Variants in FMNL2 observed in about 807,000 individuals in gnomAD.
The protein encoded by FMNL2 is formin like 2, also known as formin-like protein 2.
FMNL2 carries 51 observed loss-of-function variants against 130.2 expected under a neutral mutation model. The ratio of observed to expected loss-of-function variants is 0.39; its 90% confidence interval spans 0.31 to 0.49. The LOEUF (loss-of-function observed/expected upper bound fraction) is 0.49. Among genes scored for constraint, FMNL2 ranks in the 20% least tolerant of loss-of-function variants. The pLI is 0.85. For synonymous variants in FMNL2, 465 were observed against 467.1 expected, an observed-to-expected ratio of 1.00 and a Z score of 0.06; for missense variants, 977 against 1,316.2, an observed-to-expected ratio of 0.74 and a Z score of 3.99.
chr2:152,627,988 C>T (rs1286813932), intron 17 of FMNL2, among the ~76,000 whole-genome samples: 1 of 152,214 alleles, frequency 6.6e-6, no homozygotes, highest in East Asian at 1.9e-4. Context: ...GGTTCTACCT[C>T]TTCCTATTTT....
In FMNL2 at chr2:152,649,714, C is replaced by CTAT. The variant is rs1198993778; in HGVS notation, c.*1812_*1814dup. On this transcript the variant is annotated 3_prime_UTR_variant, in exon 26 of 26. Coordinates refer to ENST00000288670, the MANE Select transcript of FMNL2 (RefSeq NM_052905.4). ...CGTTGGCATGTTCTTTTCTGTTTGT[C>CTAT]TATTAATGGGCCTGCTTCTTAGCAA... 6.6e-6 allele frequency: 1 copy of CTAT among 152,578 alleles called. No individual in the cohort carries two copies. The highest frequency in any genetic ancestry group is 1.5e-5 in the Non-Finnish European group (1 of 68,016). 9.5% of individuals were successfully genotyped at this position (152,578 alleles called of 1,614,324 possible).
chr2:152,627,505 T>C (rs1406729344), intron 17 of FMNL2, among the ~76,000 whole-genome samples: 2 of 152,214 alleles, frequency 1.3e-5, no homozygotes, highest in East Asian at 3.9e-4. Flanking sequence ...TTTGTTCCAA[T>C]TTTGTGTCCT....
At chr2:152,447,665 C>T (rs1688420071) in intron 1 of FMNL2, among the ~76,000 whole-genome samples, 1 of 152,120 alleles carries the variant, frequency 6.6e-6, no homozygotes, top group African/African-American at 2.4e-5. Flanking sequence ...ACATCACCTT[C>T]ACCCCCTAGT....
intron 9 of FMNL2, among the ~76,000 whole-genome samples, chr2:152,589,956 T>C (rs904271264): frequency 1.9e-4 from 2 of 10,380 alleles, no homozygotes; most frequent in South Asian, 1.5e-3. Flanking sequence ...TATATATATA[T>C]ATATATATAT....
chr2:152,646,992 GTGAT>G (rs1321324523), intron 25 of FMNL2, among the ~76,000 whole-genome samples: 3 of 152,142 alleles, frequency 2.0e-5, no homozygotes, highest in African/African-American at 7.2e-5. Flanking sequence ...CTGGTATGCA[GTGAT>G]TGACTCATTC....
At chr2:152,568,223 T>TTTTTTTTTTGTTTTGTTTTGTTTTTG (rs11275578) in intron 6 of FMNL2, among the ~76,000 whole-genome samples, 1 of 132,276 alleles carries the variant, frequency 7.6e-6, no homozygotes, top group Admixed American at 7.5e-5. Context: ...GGTGGGTTTT[T>TTTTTTTTTTGTTTTGTTTTGTTTTTG]TTTTTTTTTT....
At chr2:152,438,116 A>G (rs548851452) in intron 1 of FMNL2, among the ~76,000 whole-genome samples, 1 of 152,242 alleles carries the variant, frequency 6.6e-6, no homozygotes, top group Non-Finnish European at 1.5e-5. Context: ...AGCATTTGAC[A>G]TGTGAAGAAA....
At chr2:152,414,974 A>ATG (rs1398381076) in intron 1 of FMNL2, among the ~76,000 whole-genome samples, 3 of 152,110 alleles carry the variant, frequency 2.0e-5, no homozygotes, top group Non-Finnish European at 4.4e-5. Flanking sequence ...TGTGAGATAT[A>ATG]TGTGTGGGAA....
Position 152,607,432 on chromosome 2 carries a change from C to T in FMNL2, c.951+19C>T. On this transcript the variant is annotated intron_variant, in intron 10 of 25. Transcript: ENST00000288670. ...TTTTATGGTGAGTTATTTCAGTATT[C>T]AATAAAGCAAACTCAGTTTCAATAC... 2 of 1,571,964 alleles carry T rather than the reference C, an allele frequency of 1.3e-6. No homozygotes were observed. Among genetic ancestry groups the T allele is most frequent in the Non-Finnish European group, 1.7e-6 (2 of 1,147,404 alleles).
chr2:152,510,726 G>A (rs1336593039), intron 1 of FMNL2, among the ~76,000 whole-genome samples: 1 of 152,204 alleles, frequency 6.6e-6, no homozygotes, highest in African/African-American at 2.4e-5. Context: ...GGAGTGCAAA[G>A]AAGGAGAAAA....
intron 1 of FMNL2, among the ~76,000 whole-genome samples, chr2:152,426,327 C>T (rs1687199736): frequency 1.3e-5 from 2 of 152,188 alleles, no homozygotes; most frequent in South Asian, 4.1e-4. Context: ...CTTTTAAGCA[C>T]TGGTAGCAGC....
At chr2:152,641,361 GC>G (rs996793930) in intron 25 of FMNL2, among the ~76,000 whole-genome samples, 13 of 152,236 alleles carry the variant, frequency 8.5e-5, no homozygotes, top group Admixed American at 3.3e-4. Flanking sequence ...CAGGCTTCCA[GC>G]CCAGGGTTGG....
intron 1 of FMNL2, among the ~76,000 whole-genome samples, chr2:152,495,666 A>AAAAAAAAAAAAAAAAAAAC (rs1691474099): frequency 6.7e-6 from 1 of 149,432 alleles, no homozygotes; most frequent in African/African-American, 2.4e-5. Context: ...AAAAAAAAAA[A>AAAAAAAAAAAAAAAAAAAC]AGATTTTTTT....
chr2:152,576,434 C>T (rs957089940), intron 7 of FMNL2, among the ~76,000 whole-genome samples: 1 of 152,158 alleles, frequency 6.6e-6, no homozygotes, highest in Non-Finnish European at 1.5e-5. Flanking sequence ...TTACATGTTA[C>T]ACTTTTCAGG....
chr2:152,583,046 T>C (rs74494197), intron 9 of FMNL2, among the ~76,000 whole-genome samples: 3,281 of 152,278 alleles, frequency 0.022, 56 homozygotes, highest in Non-Finnish European at 0.032. Flanking sequence ...CAGAATTGAG[T>C]TTTAACTCTT....
chr2:152,491,512 T>C (rs573003523), intron 1 of FMNL2, among the ~76,000 whole-genome samples: 17 of 152,336 alleles, frequency 1.1e-4, no homozygotes, highest in African/African-American at 2.6e-4. Flanking sequence ...CTTAGCTAAA[T>C]TGACCACAAG....
intron 1 of FMNL2, among the ~76,000 whole-genome samples, chr2:152,456,936 CAAAAA>C (rs59672196): frequency 1.0e-5 from 1 of 96,646 alleles, no homozygotes. Context: ...GACTCCCTTT[CAAAAA>C]AAAAAAAAAA....
intron 1 of FMNL2, among the ~76,000 whole-genome samples, chr2:152,432,047 C>G (rs1687522261): frequency 1.4e-5 from 2 of 144,948 alleles, no homozygotes; most frequent in African/African-American, 2.6e-5. Flanking sequence ...TTTTATTCCT[C>G]TCTCTGTTAT....
chr2:152,545,288 T>A (rs1054715250), intron 3 of FMNL2, among the ~76,000 whole-genome samples: 1 of 152,170 alleles, frequency 6.6e-6, no homozygotes, highest in African/African-American at 2.4e-5. Context: ...AAGATTTCAA[T>A]TCGGGGCTTT....
Sources: allele counts gnomAD v4.1 joint callset (sites outside exome capture counted in the v4.1 genomes callset), GRCh38; gene constraint gnomAD v4.1.1; transcripts MANE v1.5; gene names NCBI Gene and HGNC (gene_info 2026-07-23, HGNC 2026-07-21).